The following RSPH9 variants were observed in gnomAD, a reference collection of about 807,000 sequenced individuals.
RSPH9 encodes radial spoke head component 9.
In RSPH9, 27 loss-of-function variants were observed where a neutral mutation model predicts 27.0. The observed-to-expected ratio is 1.00, with a 90% CI of 0.74 to 1.38. RSPH9 has a LOEUF of 1.38. RSPH9 is among the 40% of genes most tolerant of loss of function. RSPH9 has a pLI of 0.00. For missense variants in RSPH9, 347 were observed against 357.4 expected (o/e 0.97, Z 0.24); for synonymous variants, 145 against 147.7 (o/e 0.98, Z 0.13).
chr6:43,665,296 C>T (rs914467115), intron 4 of RSPH9, among the ~76,000 whole-genome samples: 3 of 152,220 alleles, frequency 2.0e-5, no homozygotes, highest in Non-Finnish European at 4.4e-5. Context: ...GCTGTCTTTC[C>T]TTGCAACAGG....
At chr6:43,655,533 G>T (rs778673066) in intron 2 of RSPH9, 29 bp from the exon 3 acceptor site, 6 of 1,613,818 alleles carry the variant, frequency 3.7e-6, no homozygotes, top group African/African-American at 2.7e-5. Flanking sequence ...CAGTGCCCTG[G>T]CAGGGGGGCT....
intron 1 of RSPH9, among the ~76,000 whole-genome samples, chr6:43,647,806 T>C (rs139027486): frequency 5.9e-5 from 9 of 152,360 alleles, no homozygotes; most frequent in Middle Eastern, 3.4e-3. Context: ...TGTGCTACCA[T>C]GTGCTAGGCA....
chr6:43,650,397 C>T lies in RSPH9; in HGVS notation c.250C>T (p.Leu84Phe). Residue 84 changes from leucine (L) to phenylalanine (F), a missense_variant, in exon 2 of 5, where the codon CTC becomes TTC. Leu to Phe is a conservative substitution (Grantham distance 22). Transcript: ENST00000372163. ...LYSLNCTEWS[L>F]LPPATEEMVA... ...CAGCCTGAACTGCACAGAGTGGAGCCTCTTGCCCCCTGCCACAGAGGAGAT... is the reference window on the plus strand; with the variant it reads ...CAGCCTGAACTGCACAGAGTGGAGCTTCTTGCCCCCTGCCACAGAGGAGAT... 3.7e-6 allele frequency: 6 copies of T among 1,613,514 alleles called. No homozygotes were observed. The highest frequency in any genetic ancestry group is 5.1e-6 in the Non-Finnish European group (6 of 1,179,954).
chr6:43,654,199 T>C (rs1320245640), intron 2 of RSPH9, among the ~76,000 whole-genome samples: 2 of 152,180 alleles, frequency 1.3e-5, no homozygotes, highest in Non-Finnish European at 2.9e-5. Context: ...GGGCCTCTGT[T>C]GACACGCATT....
rs1477090977 is a variant in RSPH9 at position 43,645,303 on chromosome 6, G to T, written c.205G>T (p.Ala69Ser). The T allele has an allele frequency of 2.2e-6, 3 of 1,374,142 alleles. No individual in the cohort carries two copies. The highest frequency in any genetic ancestry group is 2.1e-4 in the Middle Eastern group (1 of 4,836). The allele number at this position is 1,374,142 out of a possible 1,614,324, so 85.1% of individuals were successfully genotyped here. A position where few individuals can be genotyped will look rare whatever the true frequency, so the allele number is the denominator to read the frequency against. ...GCAGGGCCTGAGTGAGGACCAGCTC[G>T]CACCGCGCAAGACGCTCTATAGGTG... Reference protein sequence around the residue: ...IAQGLSEDQLAPRKTLYSLNC... With the variant: ...IAQGLSEDQLSPRKTLYSLNC... The change falls in exon 1 of 5, where the codon GCA (alanine) becomes TCA (serine). Residue 69 changes from alanine (A) to serine (S), a missense_variant. Ala to Ser is a moderately conservative substitution (Grantham distance 99). Coordinates refer to ENST00000372163, the MANE Select transcript of RSPH9 (RefSeq NM_152732.5).
At position 43,645,126 on chromosome 6, in the gene RSPH9, C is replaced by T. The variant is rs760570151; in HGVS notation, c.28C>T (p.Leu10=). 6.8e-6 allele frequency: 11 copies of T among 1,612,948 alleles called. No individual in the cohort carries two copies. Among genetic ancestry groups the T allele is most frequent in the Non-Finnish European group, 9.3e-6 (11 of 1,179,974 alleles). ...GGACGCCGACAGCCTCCTGCTGTCTCTGGAGCTGGCGTCCGGCAGTGGGCA... is the reference window on the plus strand; with the variant it reads ...GGACGCCGACAGCCTCCTGCTGTCTTTGGAGCTGGCGTCCGGCAGTGGGCA... The part of the protein sequence containing the change: MDADSLLLS[L]ELASGSGQGL... The change falls in exon 1 of 5, where the codon CTG becomes TTG. Residue 10 remains leucine (L), a synonymous_variant. Transcript: ENST00000372163.
intron 4 of RSPH9, 63 bp downstream of exon 4, chr6:43,656,786 A>G: frequency 6.4e-7 from 1 of 1,554,722 alleles, no homozygotes. Flanking sequence ...GGGCCATGCC[A>G]CCTGCCATTT....
chr6:43,666,639 C>A, intron 4 of RSPH9: 1 of 661,850 alleles, frequency 1.5e-6, no homozygotes, highest in Non-Finnish European at 2.6e-6. Context: ...CAGGGATCCG[C>A]AAAGTTCCAT....
Position 43,658,601 on chromosome 6 carries a change from C to T in RSPH9, c.670+1878C>T, listed in dbSNP as rs150173594. ...TGTCGCCTGGGCTGGAGTGCAGTGG[C>T]GCAATCTCGGCTCACTGCAAGCTCC... is the stretch of plus-strand genomic sequence containing the variant. On this transcript the variant is annotated intron_variant, in intron 4 of 4. Coordinates refer to ENST00000372163, the MANE Select transcript of RSPH9 (RefSeq NM_152732.5). 4.4e-3 allele frequency among the ~76,000 whole-genome samples: 668 copies of T among 152,140 alleles called. 4 individuals carry two copies. Among genetic ancestry groups the T allele is most frequent in the African/African-American group, 0.015 (610 of 41,514 alleles).
Position 43,671,485 on chromosome 6 carries a change from T to A in RSPH9, c.*536T>A, listed in dbSNP as rs1395119925. On this transcript the variant is annotated 3_prime_UTR_variant, in exon 5 of 5. Coordinates refer to ENST00000372163, the MANE Select transcript of RSPH9 (RefSeq NM_152732.5). Reference sequence around the variant, plus strand: ...CATGAACCCAGTTTATGACACTGCGTTGGGCAAAACTCCTGTCCCCAGCAC... The same window carrying A: ...CATGAACCCAGTTTATGACACTGCGATGGGCAAAACTCCTGTCCCCAGCAC... 2 of 512,510 alleles carry A rather than the reference T, an allele frequency of 3.9e-6. No individual in the cohort carries two copies. Among genetic ancestry groups the A allele is most frequent in the African/African-American group, 1.9e-5 (1 of 51,950 alleles). 31.7% of individuals were successfully genotyped at this position (512,510 alleles called of 1,614,324 possible).
At chr6:43,665,973 G>C (rs1773096802) in intron 4 of RSPH9, among the ~76,000 whole-genome samples, 1 of 152,024 alleles carries the variant, frequency 6.6e-6, no homozygotes, top group Non-Finnish European at 1.5e-5. Context: ...CTACAGGTGT[G>C]GACCACCATG....
In RSPH9 at chr6:43,664,203, G is replaced by GTGA. The variant is rs201263407; in HGVS notation, c.671-6563_671-6561dup. On this transcript the variant is annotated intron_variant, in intron 4 of 4. Transcript: ENST00000372163. ...AAGAGCAATATATCAAAGTAAACCTGTGATGATGATGATGATGATGATGAT... is the reference window on the plus strand; with the variant it reads ...AAGAGCAATATATCAAAGTAAACCTGTGATGATGATGATGATGATGATGATGAT... Among the ~76,000 whole-genome samples, 79 of 151,986 alleles carry GTGA rather than the reference G, an allele frequency of 5.2e-4. 1 individual carries two copies. Among genetic ancestry groups the GTGA allele is most frequent in the East Asian group, 3.3e-3 (17 of 5,156 alleles).
At chr6:43,654,278 T>C (rs1296253111) in intron 2 of RSPH9, among the ~76,000 whole-genome samples, 1 of 152,228 alleles carries the variant, frequency 6.6e-6, no homozygotes, top group Admixed American at 6.5e-5. Context: ...ATAGTAATTG[T>C]AACTAAATTT....
intron 1 of RSPH9, 32 bp downstream of exon 1, chr6:43,645,357 G>GGGCTCCA: frequency 6.4e-7 from 1 of 1,561,114 alleles, no homozygotes; most frequent in East Asian, 2.2e-5. Context: ...GCTCCCCAGA[G>GGGCTCCA]GGTGGCTACC....
intron 1 of RSPH9, among the ~76,000 whole-genome samples, chr6:43,646,671 A>G (rs1347677693): frequency 6.6e-6 from 1 of 151,078 alleles, no homozygotes; most frequent in Non-Finnish European, 1.5e-5. Context: ...CTACAAAAAA[A>G]AAAAAAAAAG....
chr6:43,656,965 T>C (rs980386645), intron 4 of RSPH9, among the ~76,000 whole-genome samples: 1 of 152,222 alleles, frequency 6.6e-6, no homozygotes, highest in African/African-American at 2.4e-5. Flanking sequence ...GGTATCTCAA[T>C]GTCTCTTGAT....
intron 4 of RSPH9, among the ~76,000 whole-genome samples, chr6:43,668,275 T>C (rs1424768422): frequency 6.6e-6 from 1 of 152,130 alleles, no homozygotes; most frequent in Non-Finnish European, 1.5e-5. Flanking sequence ...TTCAGGTAGA[T>C]GCTACGTGAC....
rs761387413 is a variant in RSPH9, at chr6:43,650,460, G to A, written c.313G>A (p.Gly105Arg). 1 of 1,614,170 alleles carries A rather than the reference G, an allele frequency of 6.2e-7. No homozygotes were observed. The highest frequency in any genetic ancestry group is 1.1e-5 in the South Asian group (1 of 91,080). The change falls in exon 2 of 5, where the codon GGG (glycine) becomes AGG (arginine). Residue 105 changes from glycine (G) to arginine (R), a missense_variant. By Grantham distance (125) the Gly-to-Arg change is moderately radical (BLOSUM62 -2). Coordinates refer to ENST00000372163, the MANE Select transcript of RSPH9 (RefSeq NM_152732.5). ...GTCTGTGGTGAAGGGCCGCTTCATG[G>A]GGGACCCATCATACGAATATGAACA... ...QSSVVKGRFM[G>R]DPSYEYEHTE...
intron 2 of RSPH9, among the ~76,000 whole-genome samples, chr6:43,655,029 G>A (rs1450802655): frequency 6.6e-6 from 1 of 151,900 alleles, no homozygotes; most frequent in Non-Finnish European, 1.5e-5. Context: ...AAAACAAAAT[G>A]ACAGCAACAA....
Sources: allele counts gnomAD v4.1 joint callset (sites outside exome capture counted in the v4.1 genomes callset), GRCh38; gene constraint gnomAD v4.1.1; transcripts MANE v1.5; gene names NCBI Gene and HGNC (gene_info 2026-07-23, HGNC 2026-07-21).